Variants in SAMD3 observed in about 807,000 individuals in gnomAD.
SAMD3 encodes sterile alpha motif domain containing 3, also known as sterile alpha motif domain-containing protein 3.
In SAMD3, 63 loss-of-function variants were observed where a neutral mutation model predicts 58.5. That is an observed-to-expected ratio of 1.08 (90% confidence interval 0.88 to 1.33). The LOEUF (loss-of-function observed/expected upper bound fraction) is 1.33. SAMD3 is among the 40% of genes most tolerant of loss of function. The pLI is 0.00. For missense variants in SAMD3, 604 were observed against 608.4 expected, an observed-to-expected ratio of 0.99 and a Z score of 0.08; for synonymous variants, 220 against 210.3, an observed-to-expected ratio of 1.05 and a Z score of -0.40.
intron 1 of SAMD3, among the ~76,000 whole-genome samples, chr6:130,351,177 T>C (rs1487940643): frequency 2.6e-5 from 4 of 152,034 alleles, no homozygotes; most frequent in South Asian, 2.1e-4. Context: ...CAAAGACTTT[T>C]TGTCTAAAAC....
chr6:130,180,629 T>C (rs1266746077), intron 7 of SAMD3, among the ~76,000 whole-genome samples: 1 of 152,262 alleles, frequency 6.6e-6, no homozygotes, highest in Non-Finnish European at 1.5e-5. Flanking sequence ...GGTTTTGTTG[T>C]TGTTGTTGCT....
intron 2 of SAMD3, among the ~76,000 whole-genome samples, chr6:130,267,893 G>A (rs1239219921): frequency 1.3e-5 from 2 of 152,180 alleles, no homozygotes; most frequent in Admixed American, 1.3e-4. Flanking sequence ...GAGTCTTGCT[G>A]ATGCTCCCGG....
intron 1 of SAMD3, among the ~76,000 whole-genome samples, chr6:130,344,825 CAAAAA>C (rs56795907): frequency 2.4e-4 from 10 of 41,102 alleles, no homozygotes; most frequent in Admixed American, 9.8e-4. Flanking sequence ...ACAACAACAG[CAAAAA>C]AAAAAAAAAA....
intron 5 of SAMD3, among the ~76,000 whole-genome samples, chr6:130,190,812 G>A (rs1793473613): frequency 6.6e-6 from 1 of 152,072 alleles, no homozygotes; most frequent in East Asian, 1.9e-4. Flanking sequence ...TCGGTCAGTG[G>A]AGGGGCCAGG....
chr6:130,171,044 C>T lies in SAMD3; in HGVS notation c.822+4797G>A, dbSNP rs191711966. Among the ~76,000 whole-genome samples, 336 of 152,234 alleles carry T rather than the reference C, an allele frequency of 2.2e-3. 3 individuals carry two copies. Among genetic ancestry groups the T allele is most frequent in the African/African-American group, 7.9e-3 (330 of 41,554 alleles). On this transcript the variant is annotated intron_variant, in intron 8 of 11. Transcript: ENST00000439090. ...TGGTTTTCAAAGGGAATGCTTCCAGCTTTTGCCCATTCAGTGTGATGTTGG... is the reference window on the plus strand; with the variant it reads ...TGGTTTTCAAAGGGAATGCTTCCAGTTTTTGCCCATTCAGTGTGATGTTGG...
intron 7 of SAMD3, 149 bp from the exon 8 acceptor site, chr6:130,176,157 T>A (rs1415800264): frequency 1.4e-6 from 1 of 708,644 alleles, no homozygotes; most frequent in East Asian, 2.7e-5. Context: ...TATCTATCCT[T>A]CCTTTTATCC....
chr6:130,292,045 C>T (rs1775379169), intron 2 of SAMD3, among the ~76,000 whole-genome samples: 1 of 152,104 alleles, frequency 6.6e-6, no homozygotes, highest in Non-Finnish European at 1.5e-5. Flanking sequence ...GTTTTCAAAA[C>T]TGTGAATTTA....
chr6:130,232,828 A>G (rs956477191), intron 2 of SAMD3, among the ~76,000 whole-genome samples: 17 of 152,216 alleles, frequency 1.1e-4, no homozygotes, highest in Non-Finnish European at 5.9e-5. Flanking sequence ...GGCACTTGAT[A>G]CTATTTGCTA....
chr6:130,255,220 T>G (rs1192489305), intron 2 of SAMD3, among the ~76,000 whole-genome samples: 2 of 152,244 alleles, frequency 1.3e-5, no homozygotes, highest in Non-Finnish European at 2.9e-5. Flanking sequence ...GTCTAAGATA[T>G]GATCTATCGT....
At chr6:130,263,129 A>C (rs1368375084) in intron 2 of SAMD3, among the ~76,000 whole-genome samples, 2 of 152,232 alleles carry the variant, frequency 1.3e-5, no homozygotes, top group African/African-American at 4.8e-5. Context: ...AAGCATTGTT[A>C]AATGTAAAAT....
chr6:130,353,804 T>C (rs951595091), intron 1 of SAMD3, among the ~76,000 whole-genome samples: 1 of 152,126 alleles, frequency 6.6e-6, no homozygotes, highest in African/African-American at 2.4e-5. Flanking sequence ...CTGCAGGCTA[T>C]AAGCCATATC....
chr6:130,164,291 C>T (rs1158560966), intron 8 of SAMD3, among the ~76,000 whole-genome samples: 2 of 152,136 alleles, frequency 1.3e-5, no homozygotes, highest in Non-Finnish European at 2.9e-5. Flanking sequence ...TAGAAAGAAT[C>T]TTCAAATAAA....
chr6:130,365,780 A>C (rs1778120724), upstream of SAMD3: 1 of 985,336 alleles, frequency 1.0e-6, no homozygotes, highest in African/African-American at 1.7e-5. Flanking sequence ...TCGAAGTGCA[A>C]CTTTGTGGCC....
intron 1 of SAMD3, among the ~76,000 whole-genome samples, chr6:130,364,844 C>CT (rs997609228): frequency 5.9e-4 from 90 of 151,886 alleles, no homozygotes; most frequent in African/African-American, 1.8e-3. Flanking sequence ...ATTTTAAAGA[C>CT]TTTTTTTTCT....
intron 8 of SAMD3, among the ~76,000 whole-genome samples, chr6:130,156,950 A>G (rs1789836670): frequency 1.3e-5 from 2 of 152,068 alleles, no homozygotes; most frequent in South Asian, 4.2e-4. Context: ...CATTCCTGTA[A>G]TCCCAGCTAC....
chr6:130,338,245 C>G (rs1294934206), intron 1 of SAMD3, among the ~76,000 whole-genome samples: 1 of 152,202 alleles, frequency 6.6e-6, no homozygotes, highest in Non-Finnish European at 1.5e-5. Context: ...AGTGTTTGGC[C>G]TTTGGATGCA....
At chr6:130,163,922 C>T (rs1474065009) in intron 8 of SAMD3, among the ~76,000 whole-genome samples, 1 of 151,594 alleles carries the variant, frequency 6.6e-6, no homozygotes, top group African/African-American at 2.4e-5. Context: ...TATATATGTA[C>T]CCAATAAGTA....
Position 130,146,042 on chromosome 6 carries a change from A to AT in SAMD3, c.1162dup (p.Met388AsnfsTer7), listed in dbSNP as rs772058906. 1.1e-5 allele frequency: 17 copies of AT among 1,573,810 alleles called. No homozygotes were observed. In the African/African-American group the frequency reaches 2.0e-4, roughly 19 times the overall value. On this transcript the variant is annotated frameshift_variant, in exon 10 of 12. Coordinates refer to ENST00000439090, the MANE Select transcript of SAMD3 (RefSeq NM_001017373.4). LOFTEE classifies it high-confidence loss of function. ...CATGTCTTCATCTGTGTAATGTTTCATTTTTTCTTGCAATACAATATTGAT... is the reference window on the plus strand; with the variant it reads ...CATGTCTTCATCTGTGTAATGTTTCATTTTTTTCTTGCAATACAATATTGAT...
At chr6:130,219,734 G>C (rs1796140671) in intron 1 of SAMD3, among the ~76,000 whole-genome samples, 1 of 152,160 alleles carries the variant, frequency 6.6e-6, no homozygotes, top group Non-Finnish European at 1.5e-5. Context: ...CTTGTTGATT[G>C]ATGGGGTTTG....
Sources: gnomAD v4.1 joint callset for allele counts (sites outside exome capture counted in the v4.1 genomes callset) on GRCh38, gnomAD v4.1.1 for gene constraint, MANE v1.5 for transcripts, NCBI Gene and HGNC (gene_info 2026-07-23, HGNC 2026-07-21) for gene names.